The following NR5A2 variants were observed in gnomAD, a reference collection of about 807,000 sequenced individuals.
NR5A2 encodes nuclear receptor subfamily 5 group A member 2.
NR5A2 carries 26 observed loss-of-function variants against 62.7 expected under a neutral mutation model. The ratio of observed to expected loss-of-function variants is 0.41; its 90% CI spans 0.30 to 0.58. NR5A2 has a LOEUF of 0.58. Ranked by LOEUF, NR5A2 falls within the 20% of genes least tolerant of loss-of-function variation. NR5A2 has a pLI of 0.22. For missense variants in NR5A2, 541 were observed against 669.1 expected (o/e 0.81, Z 2.11); for synonymous variants, 246 against 241.7 (o/e 1.02, Z -0.16).
chr1:200,115,868 T>C (rs778708089), intron 6 of NR5A2, among the ~76,000 whole-genome samples: 3 of 151,860 alleles, frequency 2.0e-5, no homozygotes, highest in Admixed American at 6.6e-5. Flanking sequence ...CCTTTGTAAG[T>C]TGAGGAAAAC....
intron 1 of NR5A2, among the ~76,000 whole-genome samples, chr1:200,034,967 C>A (rs1222749100): frequency 6.6e-6 from 1 of 151,542 alleles, no homozygotes; most frequent in Non-Finnish European, 1.5e-5. Flanking sequence ...AGCCTACGGG[C>A]GTGGGCGGGT....
In NR5A2 at chr1:200,134,365, G is replaced by A. The variant is rs141758615; in HGVS notation, c.1378+13410G>A. ...CCACCTATGATAAGTGCTCCATACA[G>A]GTGTGCTATTTTTTATCTCATAGAC... On this transcript the variant is annotated intron_variant, in intron 7 of 7. Coordinates refer to ENST00000367362, the MANE Select transcript of NR5A2 (RefSeq NM_205860.3). 1.7e-3 allele frequency among the ~76,000 whole-genome samples: 255 copies of A among 152,160 alleles called. 1 individual carries two copies. The highest frequency in any genetic ancestry group is 2.9e-3 in the Non-Finnish European group (198 of 68,010).
intron 7 of NR5A2, among the ~76,000 whole-genome samples, chr1:200,151,122 C>T (rs1423299142): frequency 6.6e-6 from 1 of 152,110 alleles, no homozygotes; most frequent in African/African-American, 2.4e-5. Flanking sequence ...GACTGCAAAC[C>T]ATCTAGCTGA....
chr1:200,127,698 AAAAAAAAAAAAATATATATAT>A (rs1666776099), intron 7 of NR5A2, among the ~76,000 whole-genome samples: 1 of 88,558 alleles, frequency 1.1e-5, no homozygotes, highest in African/African-American at 3.8e-5. Flanking sequence ...AAAAAAAAAA[AAAAAAAAAAAAATATATATAT>A]ATATATATAT....
intron 5 of NR5A2, chr1:200,057,606 G>A (rs1264678131): frequency 8.7e-6 from 3 of 346,146 alleles, no homozygotes; most frequent in Non-Finnish European, 1.7e-5. Context: ...AGCCTCCCGA[G>A]TAGCTGGGAT....
At chr1:200,163,498 T>C (rs927369066) in intron 7 of NR5A2, among the ~76,000 whole-genome samples, 7 of 151,466 alleles carry the variant, frequency 4.6e-5, no homozygotes, top group Admixed American at 1.3e-4. Flanking sequence ...TTTTTTTTTT[T>C]TGAGACAAGA....
intron 5 of NR5A2, among the ~76,000 whole-genome samples, chr1:200,094,094 G>A (rs544587519): frequency 1.4e-4 from 22 of 152,228 alleles, no homozygotes; most frequent in African/African-American, 4.6e-4. Context: ...ACTTGAACCC[G>A]GGAGGCGGAG....
chr1:200,161,290 T>TATCCC (rs1405402483), intron 7 of NR5A2, among the ~76,000 whole-genome samples: 2 of 152,244 alleles, frequency 1.3e-5, no homozygotes, highest in East Asian at 3.8e-4. Flanking sequence ...TGGCTCAGAA[T>TATCCC]ATCCCATCGA....
chr1:200,175,162 C>T lies in NR5A2; in HGVS notation c.*952C>T, dbSNP rs888748864. 2 of 152,600 alleles carry T rather than the reference C, an allele frequency of 1.3e-5. No homozygotes were observed. Among genetic ancestry groups the T allele is most frequent in the Non-Finnish European group, 2.9e-5 (2 of 68,026 alleles). 9.5% of individuals were successfully genotyped at this position (152,600 alleles called of 1,614,324 possible). A position where few individuals can be genotyped will look rare whatever the true frequency, so the allele number is the denominator to read the frequency against. The stretch of plus-strand genomic sequence containing the variant: ...GTTTGTAGTTCATTTAAAAATACAA[C>T]ATTAAACACATTTTGCTAGGATGTC... On this transcript the variant is annotated 3_prime_UTR_variant, in exon 8 of 8. Coordinates refer to ENST00000367362, the MANE Select transcript of NR5A2 (RefSeq NM_205860.3).
At chr1:200,145,316 AT>A (rs1051251738) in intron 7 of NR5A2, among the ~76,000 whole-genome samples, 1 of 151,940 alleles carries the variant, frequency 6.6e-6, no homozygotes, top group Admixed American at 6.6e-5. Context: ...TCAAAAAAAA[AT>A]TTTTTTTAGA....
intron 5 of NR5A2, among the ~76,000 whole-genome samples, chr1:200,094,812 G>A (rs889527924): frequency 1.3e-5 from 2 of 151,980 alleles, no homozygotes; most frequent in Non-Finnish European, 2.9e-5. Context: ...GATTACAGGC[G>A]TGAGCCACCG....
intron 1 of NR5A2, among the ~76,000 whole-genome samples, chr1:200,033,341 TAAAC>T (rs139117086): frequency 0.014 from 2,114 of 151,964 alleles, 50 homozygotes; most frequent in African/African-American, 0.044. Flanking sequence ...TTAGATAGCA[TAAAC>T]AAACATACTG....
At chr1:200,052,161 C>T (rs577913427) in intron 5 of NR5A2, among the ~76,000 whole-genome samples, 28 of 152,258 alleles carry the variant, frequency 1.8e-4, no homozygotes, top group South Asian at 1.2e-3. Context: ...GAGGTTTTAT[C>T]GGCCATCCAT....
chr1:200,116,141 G>A (rs1377313544), intron 6 of NR5A2, among the ~76,000 whole-genome samples: 1 of 152,130 alleles, frequency 6.6e-6, no homozygotes, highest in Non-Finnish European at 1.5e-5. Context: ...ACAATATCAG[G>A]AATGAAGTCC....
At chr1:200,042,227 T>G (rs997181032) in intron 2 of NR5A2, among the ~76,000 whole-genome samples, 1 of 151,968 alleles carries the variant, frequency 6.6e-6, no homozygotes, top group African/African-American at 2.4e-5. Flanking sequence ...GTTCCCAAAC[T>G]CTGGCTAACT....
Position 200,126,585 on chromosome 1 carries a change from A to G in NR5A2, c.1378+5630A>G, listed in dbSNP as rs1428504055. On this transcript the variant is annotated intron_variant, in intron 7 of 7. Coordinates refer to ENST00000367362, the MANE Select transcript of NR5A2 (RefSeq NM_205860.3). ...GCAAGCACAAAATTTGAAGAAAGAG[A>G]GACTAGAAAACAGATTCTATGGATA... Among the ~76,000 whole-genome samples, 3 of 152,346 alleles carry G rather than the reference A, an allele frequency of 2.0e-5. No homozygotes were observed. In the East Asian group the frequency reaches 5.8e-4, roughly 29 times the overall value.
intron 5 of NR5A2, among the ~76,000 whole-genome samples, chr1:200,053,218 G>T (rs1662741479): frequency 6.6e-6 from 1 of 152,158 alleles, no homozygotes; most frequent in South Asian, 2.1e-4. Flanking sequence ...ACACATATAA[G>T]CGAGCTGCTT....
intron 7 of NR5A2, among the ~76,000 whole-genome samples, chr1:200,151,746 G>A (rs1653138868): frequency 6.6e-6 from 1 of 152,148 alleles, no homozygotes; most frequent in African/African-American, 2.4e-5. Context: ...TTTTGTTTCT[G>A]GTTTTCTTTT....
At chr1:200,127,348 C>T (rs973702455) in intron 7 of NR5A2, among the ~76,000 whole-genome samples, 2 of 152,004 alleles carry the variant, frequency 1.3e-5, no homozygotes, top group Non-Finnish European at 2.9e-5. Context: ...CCCTCTGTAG[C>T]TGCAGGTTCT....
Sources: allele counts gnomAD v4.1 joint callset (sites outside exome capture counted in the v4.1 genomes callset), GRCh38; gene constraint gnomAD v4.1.1; transcripts MANE v1.5; gene names NCBI Gene and HGNC (gene_info 2026-07-23, HGNC 2026-07-21).